The following CAPN3 variants were observed in gnomAD, a reference collection of about 807,000 sequenced individuals.
CAPN3 encodes the protein calpain-3.
In CAPN3, 88 loss-of-function variants were observed where a neutral mutation model predicts 114.0. That is an observed-to-expected ratio of 0.77 (90% CI 0.65 to 0.92). The LOEUF is 0.92. Ranked by LOEUF, CAPN3 falls within the 40% of genes least tolerant of loss-of-function variation. The pLI, the probability that CAPN3 is intolerant of heterozygous loss-of-function variation, is 0.00. For synonymous variants in CAPN3, 386 were observed against 382.9 expected, an observed-to-expected ratio of 1.01 and a Z score of -0.09; for missense variants, 1,028 against 1,069.0, an observed-to-expected ratio of 0.96 and a Z score of 0.53.
chr15:42,403,429 A>G (rs896762069), intron 13 of CAPN3, among the ~76,000 whole-genome samples: 1 of 152,168 alleles, frequency 6.6e-6, no homozygotes, highest in African/African-American at 2.4e-5. Context: ...GTCCCTGGCC[A>G]CCACAGATGA....
In CAPN3 at chr15:42,392,660, G is replaced by T. The variant is rs750443041; in HGVS notation, c.967G>T (p.Glu323Ter). 1 of 1,613,978 alleles carries T rather than the reference G, an allele frequency of 6.2e-7. No individual in the cohort carries two copies. Among genetic ancestry groups the T allele is most frequent in the Non-Finnish European group, 8.5e-7 (1 of 1,179,880 alleles). ...ACAGACAATCATTCCGGTTCAGTAT[G>T]AGACAAGAATGGCCTGCGGGCTGGT... ...PTRTIIPVQY[E>*]TRMACGLVRG... The change falls in exon 7 of 24, where the codon GAG (glutamate) becomes TAG (stop). Residue 323 changes from glutamate to a stop codon, truncating the protein, a stop_gained. Coordinates refer to ENST00000397163, the MANE Select transcript of CAPN3 (RefSeq NM_000070.3). LOFTEE classifies it high-confidence loss of function.
At chr15:42,382,663 C>G (rs1011069177) in intron 1 of CAPN3, among the ~76,000 whole-genome samples, 1 of 152,180 alleles carries the variant, frequency 6.6e-6, no homozygotes, top group African/African-American at 2.4e-5. Flanking sequence ...GCCACCACAC[C>G]TGGACAATAT....
rs779939785 is a variant in CAPN3, at chr15:42,389,044, A to G, written c.749A>G (p.Lys250Arg). The stretch of plus-strand genomic sequence containing the variant: ...AGGGATGCTCCTAGTGACATGTACA[A>G]GATCATGAAGAAAGCCATCGAGAGA... The part of the protein sequence containing the change: ...EIRDAPSDMY[K>R]IMKKAIERGS... Residue 250 changes from lysine to arginine, a missense_variant, in exon 5 of 24, where the codon AAG (lysine) becomes AGG (arginine). Transcript: ENST00000397163. 4.3e-6 allele frequency: 7 copies of G among 1,614,146 alleles called. No individual in the cohort carries two copies. In the South Asian group the frequency reaches 7.7e-5, roughly 18 times the overall value.
chr15:42,377,623 G>A (rs1466938134), intron 1 of CAPN3, among the ~76,000 whole-genome samples: 1 of 152,164 alleles, frequency 6.6e-6, no homozygotes, highest in African/African-American at 2.4e-5. Context: ...TTGGTCTGTA[G>A]TTTTCCTTTA....
intron 1 of CAPN3, among the ~76,000 whole-genome samples, chr15:42,383,137 T>G (rs1273017890): frequency 6.6e-6 from 1 of 152,160 alleles, no homozygotes; most frequent in African/African-American, 2.4e-5. Flanking sequence ...AGACTTTCCA[T>G]CTACTAGGAG....
intron 1 of CAPN3, among the ~76,000 whole-genome samples, chr15:42,378,853 T>C (rs367574388): frequency 6.6e-6 from 1 of 152,230 alleles, no homozygotes; most frequent in African/African-American, 2.4e-5. Context: ...TTCACTTAGT[T>C]AAAAACATTT....
Position 42,386,215 on chromosome 15 carries a change from A to C in CAPN3, c.428A>C (p.His143Pro). 6.2e-7 allele frequency: 1 copy of C among 1,614,098 alleles called. No homozygotes were observed. Among genetic ancestry groups the C allele is most frequent in the Non-Finnish European group, 8.5e-7 (1 of 1,180,010 alleles). Reference sequence around the variant, plus strand: ...ATTGCCTGCCTGACCCTGAACCAGCACCTTCTTTTCCGAGTCATACCCCAT... The same window carrying C: ...ATTGCCTGCCTGACCCTGAACCAGCCCCTTCTTTTCCGAGTCATACCCCAT... ...AAIACLTLNQHLLFRVIPHDQ... is the reference protein window; with the variant it reads ...AAIACLTLNQPLLFRVIPHDQ... Residue 143 changes from histidine (H) to proline (P), a missense_variant, in exon 3 of 24, where the codon CAC becomes CCC. Coordinates refer to ENST00000397163, the MANE Select transcript of CAPN3 (RefSeq NM_000070.3).
chr15:42,369,025 G>A (rs1329659543), intron 1 of CAPN3, among the ~76,000 whole-genome samples: 1 of 152,190 alleles, frequency 6.6e-6, no homozygotes, highest in Admixed American at 6.5e-5. Flanking sequence ...CCTGAGAGGG[G>A]CTTCTGGCTG....
intron 1 of CAPN3, among the ~76,000 whole-genome samples, chr15:42,373,420 A>G (rs8024452): frequency 0.053 from 8,000 of 152,304 alleles, 650 homozygotes; most frequent in African/African-American, 0.17. Context: ...GCCATCAGGC[A>G]TTCATGAGCA....
At chr15:42,376,170 G>A (rs1387847707) in intron 1 of CAPN3, among the ~76,000 whole-genome samples, 2 of 152,180 alleles carry the variant, frequency 1.3e-5, no homozygotes, top group Non-Finnish European at 2.9e-5. Flanking sequence ...GTTGACCTTG[G>A]TCATGTGGCT....
intron 1 of CAPN3, among the ~76,000 whole-genome samples, chr15:42,377,253 A>G (rs1386988575): frequency 6.6e-6 from 1 of 152,156 alleles, no homozygotes; most frequent in African/African-American, 2.4e-5. Context: ...CCTAGTCTTA[A>G]GGGGAAAGCA....
chr15:42,405,637 A>G (rs530265351), intron 14 of CAPN3, among the ~76,000 whole-genome samples: 162 of 152,338 alleles, frequency 1.1e-3, no homozygotes, highest in Non-Finnish European at 2.1e-3. Context: ...TAAAAAAGGA[A>G]GAAAGAAAAC....
chr15:42,400,628 A>G (rs186349025), intron 10 of CAPN3, among the ~76,000 whole-genome samples: 1 of 152,222 alleles, frequency 6.6e-6, no homozygotes, highest in East Asian at 1.9e-4. Flanking sequence ...TGAGGCTACA[A>G]TAAACTGTGA....
In CAPN3 at chr15:42,402,446, C is replaced by T. The variant is rs1339436638; in HGVS notation, c.1536+311C>T. 4 of 1,429,380 alleles carry T rather than the reference C, an allele frequency of 2.8e-6. No homozygotes were observed. The East Asian group carries it at 1.0e-4, about 37-fold the overall frequency. The allele number at this position is 1,429,380 out of a possible 1,614,324, so 88.5% of individuals were successfully genotyped here. On this transcript the variant is annotated intron_variant, in intron 12 of 23. Coordinates refer to ENST00000397163, the MANE Select transcript of CAPN3 (RefSeq NM_000070.3). ...TCACACAGACGCGTTCTGAGGGTGGCTGCCCGCTTGGGATGGAGGAATCAC... is the reference window on the plus strand; with the variant it reads ...TCACACAGACGCGTTCTGAGGGTGGTTGCCCGCTTGGGATGGAGGAATCAC...
chr15:42,411,152 A>C, intron 22 of CAPN3, 135 bp from the exon 23 acceptor site: 2 of 1,001,570 alleles, frequency 2.0e-6, no homozygotes, highest in South Asian at 1.3e-5. Context: ...AGGGAGGGTT[A>C]CTGGTGATTC....
chr15:42,368,981 G>A (rs2052861032), intron 1 of CAPN3, among the ~76,000 whole-genome samples: 1 of 152,202 alleles, frequency 6.6e-6, no homozygotes, highest in South Asian at 2.1e-4. Context: ...ATGAAAAATG[G>A]CTCAATAAAG....
chr15:42,380,879 C>A (rs191297715), intron 1 of CAPN3, among the ~76,000 whole-genome samples: 3 of 150,268 alleles, frequency 2.0e-5, no homozygotes, highest in Non-Finnish European at 3.0e-5. Context: ...GTGTGAACCA[C>A]GGCACCCGGC....
In CAPN3 at chr15:42,401,475, C is replaced by G. The variant is rs74919029; in HGVS notation, c.1355-166C>G. On this transcript the variant is annotated intron_variant, in intron 10 of 23. Transcript: ENST00000397163. ...AGCTCCATCTGAATAAAGGTAGCGC[C>G]CCCCCCCCCCCCAAATCATTAGAGA... Among the ~76,000 whole-genome samples, 1,088 of 30,658 alleles carry G rather than the reference C, an allele frequency of 0.035. 64 individuals carry two copies. The highest frequency in any genetic ancestry group is 0.18 in the African/African-American group (1,046 of 5,810). The allele number at this position is 30,658 out of a possible 152,430, so 20.1% of individuals were successfully genotyped here.
intron 3 of CAPN3, 100 bp from the exon 4 acceptor site, chr15:42,387,653 C>A (rs1163892052): frequency 9.1e-6 from 13 of 1,427,848 alleles, no homozygotes; most frequent in Non-Finnish European, 1.2e-5. Context: ...GGAAATGATG[C>A]TGCTTTGGGA....
Sources: allele counts gnomAD v4.1 joint callset (sites outside exome capture counted in the v4.1 genomes callset), GRCh38; gene constraint gnomAD v4.1.1; transcripts MANE v1.5; gene names NCBI Gene and HGNC (gene_info 2026-07-23, HGNC 2026-07-21).